PVT1: variants seen among roughly 807,000 people sequenced by gnomAD.
The protein encoded by PVT1 is Pvt1 oncogene.
At chr8:127,827,528 G>C (rs56699449) in intron 2 of PVT1, among the ~76,000 whole-genome samples, 15,523 of 152,078 alleles carry the variant, frequency 0.1, 2,350 homozygotes, top group African/African-American at 0.34. Context: ...CCCCCTTCAC[G>C]GTCCAGGAGC....
chr8:127,835,622 CAAAA>C (rs369787654), intron 2 of PVT1, among the ~76,000 whole-genome samples: 1 of 152,032 alleles, frequency 6.6e-6, no homozygotes, highest in African/African-American at 2.4e-5. Context: ...AACAAACAAA[CAAAA>C]AACCTCCACA....
chr8:128,079,367 A>G (rs1318296744), intron 5 of PVT1, among the ~76,000 whole-genome samples: 1 of 152,120 alleles, frequency 6.6e-6, no homozygotes, highest in Non-Finnish European at 1.5e-5. Flanking sequence ...GAATTCCCAT[A>G]TATTCTCCTC....
chr8:127,951,613 C>T (rs1816506748), intron 3 of PVT1, among the ~76,000 whole-genome samples: 1 of 152,146 alleles, frequency 6.6e-6, no homozygotes. Flanking sequence ...CCGGTCATTA[C>T]ATGCCTAGAC....
chr8:127,874,354 G>A (rs1178079790), intron 2 of PVT1, among the ~76,000 whole-genome samples: 3 of 152,182 alleles, frequency 2.0e-5, no homozygotes, highest in East Asian at 1.9e-4. Flanking sequence ...GGTTCACCAA[G>A]GGTGGGTAAC....
At chr8:127,838,566 G>A (rs1288389650) in intron 2 of PVT1, among the ~76,000 whole-genome samples, 3 of 152,140 alleles carry the variant, frequency 2.0e-5, no homozygotes, top group Admixed American at 1.3e-4. Context: ...TTAGCTGGGT[G>A]TGCTGGCAGG....
At chr8:128,081,960 T>C (rs893090197) in intron 5 of PVT1, among the ~76,000 whole-genome samples, 2 of 152,180 alleles carry the variant, frequency 1.3e-5, no homozygotes, top group Non-Finnish European at 2.9e-5. Flanking sequence ...TAGTATTGTA[T>C]TGAACACCCC....
At chr8:127,841,136 G>A (rs1368355646) in intron 2 of PVT1, among the ~76,000 whole-genome samples, 1 of 152,222 alleles carries the variant, frequency 6.6e-6, no homozygotes, top group African/African-American at 2.4e-5. Context: ...TTGAGAGTAA[G>A]GCAAGAAGCG....
intron 3 of PVT1, among the ~76,000 whole-genome samples, chr8:127,932,235 C>T (rs3739378): frequency 0.35 from 52,589 of 151,994 alleles, 9,295 homozygotes; most frequent in East Asian, 0.52. Context: ...GCTCCCAGGG[C>T]GGGATTAGCC....
At chr8:127,852,806 C>T (rs2129736014) in intron 2 of PVT1, among the ~76,000 whole-genome samples, 1 of 152,328 alleles carries the variant, frequency 6.6e-6, no homozygotes, top group Admixed American at 6.5e-5. Context: ...AGGTTCTGGA[C>T]ACACGTTATG....
chr8:127,871,543 C>A (rs1314682633), intron 2 of PVT1, among the ~76,000 whole-genome samples: 1 of 152,096 alleles, frequency 6.6e-6, no homozygotes, highest in Non-Finnish European at 1.5e-5. Flanking sequence ...TAGGCAGAGT[C>A]CACCAGAATC....
intron 2 of PVT1, among the ~76,000 whole-genome samples, chr8:127,837,622 G>A (rs1338239964): frequency 6.6e-6 from 1 of 152,030 alleles, no homozygotes; most frequent in East Asian, 1.9e-4. Flanking sequence ...TATTGATTGA[G>A]GCCCTCCTGT....
At chr8:127,856,513 G>A (rs1350057586) in intron 2 of PVT1, among the ~76,000 whole-genome samples, 2 of 151,848 alleles carry the variant, frequency 1.3e-5, no homozygotes, top group Non-Finnish European at 1.5e-5. Flanking sequence ...AGCTAATTTT[G>A]TATTTTTGAT....
intron 5 of PVT1, among the ~76,000 whole-genome samples, chr8:128,091,936 AG>A (rs1814360136): frequency 2.6e-5 from 4 of 152,046 alleles, no homozygotes; most frequent in South Asian, 2.1e-4. Context: ...GGTTGCTGAG[AG>A]CTGTCCTCAT....
intron 4 of PVT1, among the ~76,000 whole-genome samples, chr8:128,043,032 A>G (rs2648856): frequency 0.03 from 4,569 of 152,098 alleles, 201 homozygotes; most frequent in African/African-American, 0.096. Flanking sequence ...CCAAAGTGCT[A>G]GGATCACAGG....
intron 3 of PVT1, among the ~76,000 whole-genome samples, chr8:127,953,257 T>G (rs1369652315): frequency 2.0e-5 from 3 of 152,196 alleles, no homozygotes; most frequent in Non-Finnish European, 4.4e-5. Flanking sequence ...GGCCCCGATC[T>G]GCTGGGAGAT....
At chr8:127,994,819 T>C (rs1563660400) in intron 4 of PVT1, among the ~76,000 whole-genome samples, 1 of 152,160 alleles carries the variant, frequency 6.6e-6, no homozygotes, top group Non-Finnish European at 1.5e-5. Flanking sequence ...AAGATCGATG[T>C]CCCAGAACAA....
intron 3 of PVT1, among the ~76,000 whole-genome samples, chr8:127,919,002 G>T (rs1029927201): frequency 6.6e-6 from 1 of 152,098 alleles, no homozygotes; most frequent in Non-Finnish European, 1.5e-5. Flanking sequence ...GGTTCTGATC[G>T]TTGGGGCTGT....
intron 3 of PVT1, among the ~76,000 whole-genome samples, chr8:127,906,608 A>C (rs374132166): frequency 8.6e-5 from 13 of 151,888 alleles, no homozygotes; most frequent in African/African-American, 3.1e-4. Context: ...TGAGAGGGGG[A>C]TGGGGGGTGG....
intron 3 of PVT1, among the ~76,000 whole-genome samples, chr8:127,978,775 C>T (rs763244824): frequency 2.0e-5 from 3 of 151,978 alleles, no homozygotes; most frequent in Admixed American, 6.6e-5. Context: ...TGTGAATCAC[C>T]GCACCCGGAC....
Sources: allele counts gnomAD v4.1 joint callset (sites outside exome capture counted in the v4.1 genomes callset), GRCh38; gene constraint gnomAD v4.1.1; transcripts MANE v1.5; gene names NCBI Gene and HGNC (gene_info 2026-07-23, HGNC 2026-07-21).